CDH13: variants seen among roughly 807,000 people sequenced by gnomAD.
CDH13 encodes cadherin-13.
A neutral mutation model predicts 63.8 loss-of-function variants in CDH13; 24 were observed. That is an observed-to-expected ratio of 0.38 (90% CI 0.27 to 0.53). The LOEUF (loss-of-function observed/expected upper bound fraction) is 0.53. Ranked by LOEUF, CDH13 falls within the 20% of genes least tolerant of loss-of-function variation. The pLI, the probability that CDH13 is intolerant of heterozygous loss-of-function variation, is 0.85. For missense variants in CDH13, 1,049 were observed against 903.1 expected, an observed-to-expected ratio of 1.16 and a Z score of -2.07; for synonymous variants, 503 against 355.3, an observed-to-expected ratio of 1.42 and a Z score of -4.67.
At chr16:82,890,551 G>A (rs973097758) in intron 2 of CDH13, among the ~76,000 whole-genome samples, 1 of 152,096 alleles carries the variant, frequency 6.6e-6, no homozygotes, top group Non-Finnish European at 1.5e-5. Context: ...AAATTAAATG[G>A]CAGTCTTAGA....
At chr16:83,384,240 G>T (rs76099228) in intron 6 of CDH13, among the ~76,000 whole-genome samples, 1 of 151,902 alleles carries the variant, frequency 6.6e-6, no homozygotes, top group Non-Finnish European at 1.5e-5. Context: ...TCTACTAATT[G>T]ATTTGATGAA....
intron 2 of CDH13, among the ~76,000 whole-genome samples, chr16:82,905,970 T>G (rs958822896): frequency 4.6e-5 from 7 of 152,162 alleles, no homozygotes; most frequent in Admixed American, 1.3e-4. Flanking sequence ...AAATAGGATA[T>G]ACTCTGACTT....
intron 1 of CDH13, among the ~76,000 whole-genome samples, chr16:82,821,067 G>T (rs2151095284): frequency 6.6e-6 from 1 of 152,278 alleles, no homozygotes; most frequent in East Asian, 1.9e-4. Context: ...GCTGCTGTCA[G>T]AGAGGGATGG....
In CDH13 at chr16:83,797,235, A is replaced by G. The variant is rs1404949291; in HGVS notation, c.*2205A>G. ...CTGGCAATCAGGAAGTCACCCTCCA[A>G]TGTAAACTTCAGCCACATGCAGGGA... On this transcript the variant is annotated 3_prime_UTR_variant, in exon 14 of 14. Transcript: ENST00000567109. 1.3e-5 allele frequency: 2 copies of G among 152,252 alleles called. No homozygotes were observed. The highest frequency in any genetic ancestry group is 2.9e-5 in the Non-Finnish European group (2 of 68,058). The allele number at this position is 152,252 out of a possible 1,614,324, so 9.4% of individuals were successfully genotyped here.
At chr16:83,125,949 T>C (rs2035794004) in intron 4 of CDH13, among the ~76,000 whole-genome samples, 1 of 152,192 alleles carries the variant, frequency 6.6e-6, no homozygotes, top group South Asian at 2.1e-4. Flanking sequence ...AAAATCATAC[T>C]AATCATATCC....
At chr16:83,662,755 C>G (rs1268167392) in intron 8 of CDH13, among the ~76,000 whole-genome samples, 1 of 152,164 alleles carries the variant, frequency 6.6e-6, no homozygotes, top group Non-Finnish European at 1.5e-5. Context: ...GATCAGTAGA[C>G]ATCTTCAGAG....
chr16:83,099,872 A>G (rs745810720), intron 3 of CDH13, among the ~76,000 whole-genome samples: 59 of 152,110 alleles, frequency 3.9e-4, no homozygotes, highest in Non-Finnish European at 6.0e-4. Context: ...AGGAGGTGGT[A>G]CTGTTATCGC....
intron 3 of CDH13, among the ~76,000 whole-genome samples, chr16:83,080,882 T>TGTTTTTG (rs1314492322): frequency 8.7e-6 from 1 of 114,880 alleles, no homozygotes; most frequent in Non-Finnish European, 1.8e-5. Context: ...TTTTTTTTTT[T>TGTTTTTG]TTTTTTTTTT....
At chr16:83,592,753 A>G (rs188243563) in intron 7 of CDH13, among the ~76,000 whole-genome samples, 1 of 152,270 alleles carries the variant, frequency 6.6e-6, no homozygotes, top group Non-Finnish European at 1.5e-5. Context: ...CTTGCCCACC[A>G]GCCCCCAGCC....
At chr16:83,535,220 G>A (rs982657412) in intron 7 of CDH13, among the ~76,000 whole-genome samples, 15 of 152,246 alleles carry the variant, frequency 9.9e-5, no homozygotes, top group Admixed American at 9.2e-4. Context: ...AGGCAGCCTG[G>A]TATGTGCAAG....
intron 6 of CDH13, among the ~76,000 whole-genome samples, chr16:83,466,017 T>C (rs1172308628): frequency 6.6e-6 from 1 of 152,148 alleles, no homozygotes; most frequent in Non-Finnish European, 1.5e-5. Flanking sequence ...GCAGGTGTCA[T>C]TCAACCTACA....
intron 3 of CDH13, among the ~76,000 whole-genome samples, chr16:83,066,109 G>C (rs2031989634): frequency 6.6e-6 from 1 of 152,188 alleles, no homozygotes; most frequent in African/African-American, 2.4e-5. Context: ...ATACGATAGT[G>C]ACAGCTTAAA....
chr16:83,084,968 G>A (rs1320483684), intron 3 of CDH13, among the ~76,000 whole-genome samples: 1 of 152,172 alleles, frequency 6.6e-6, no homozygotes, highest in East Asian at 1.9e-4. Flanking sequence ...GCTGGGTTTG[G>A]TTCAACTATT....
intron 10 of CDH13, chr16:83,710,659 G>A (rs1375494026): frequency 2.0e-5 from 3 of 152,192 alleles, no homozygotes; most frequent in South Asian, 4.2e-4. Context: ...ATAAGACCTC[G>A]AGAAATTGAC....
chr16:82,858,783 C>T, intron 2 of CDH13: 2 of 419,380 alleles, frequency 4.8e-6, no homozygotes, highest in Non-Finnish European at 8.4e-6. Flanking sequence ...ATTCATTTCC[C>T]CTGGGCAGAT....
chr16:82,857,148 G>C (rs1217784630), intron 1 of CDH13, among the ~76,000 whole-genome samples: 2 of 152,232 alleles, frequency 1.3e-5, no homozygotes, highest in African/African-American at 2.4e-5. Flanking sequence ...CTTGAACCTA[G>C]ATTCAGATGC....
intron 6 of CDH13, among the ~76,000 whole-genome samples, chr16:83,466,749 G>A (rs1256075980): frequency 6.6e-6 from 1 of 152,156 alleles, no homozygotes; most frequent in Non-Finnish European, 1.5e-5. Flanking sequence ...GCCATCCTGG[G>A]TCATCCCAAG....
chr16:82,801,800 G>A (rs11647375), intron 1 of CDH13, among the ~76,000 whole-genome samples: 8,622 of 152,258 alleles, frequency 0.057, 294 homozygotes, highest in Non-Finnish European at 0.069. Flanking sequence ...TGTAGATTGG[G>A]TCAGGAGATA....
At chr16:83,243,028 A>G (rs1286074515) in intron 5 of CDH13, among the ~76,000 whole-genome samples, 1 of 152,186 alleles carries the variant, frequency 6.6e-6, no homozygotes, top group Non-Finnish European at 1.5e-5. Context: ...AAACTGCAGG[A>G]TTGACAGGTT....
Sources: allele counts gnomAD v4.1 joint callset (sites outside exome capture counted in the v4.1 genomes callset), GRCh38; gene constraint gnomAD v4.1.1; transcripts MANE v1.5; gene names NCBI Gene and HGNC (gene_info 2026-07-23, HGNC 2026-07-21).